The following TCEA1 variants were observed in gnomAD, a reference collection of about 807,000 sequenced individuals.
TCEA1 encodes the protein transcription elongation factor A protein 1.
TCEA1 carries 21 observed loss-of-function variants against 43.8 expected under a neutral mutation model. That is an observed-to-expected ratio of 0.48 (90% confidence interval 0.34 to 0.69). TCEA1 has a LOEUF of 0.69. Ranked by LOEUF, TCEA1 falls within the 30% of genes least tolerant of loss-of-function variation. TCEA1 has a pLI of 0.01. For missense variants in TCEA1, 250 were observed against 365.1 expected (o/e 0.68, Z 2.57); for synonymous variants, 104 against 117.5 (o/e 0.88, Z 0.75).
intron 3 of TCEA1, among the ~76,000 whole-genome samples, chr8:53,994,429 G>A (rs1317880538): frequency 6.6e-6 from 1 of 152,132 alleles, no homozygotes; most frequent in Non-Finnish European, 1.5e-5. Context: ...AAAATTTAAG[G>A]TGGTATCCAA....
chr8:54,009,166 C>CA (rs370810534), intron 2 of TCEA1, among the ~76,000 whole-genome samples: 1,251 of 91,174 alleles, frequency 0.014, 23 homozygotes, highest in East Asian at 0.11. Context: ...ATTAAAAAGA[C>CA]AAAAAAAAAA....
chr8:54,010,620 A>G, intron 1 of TCEA1, 128 bp from the exon 2 acceptor site: 1 of 654,604 alleles, frequency 1.5e-6, no homozygotes, highest in Non-Finnish European at 2.6e-6. Flanking sequence ...GAGCAACAGC[A>G]CCACCTATAG....
chr8:53,992,938 G>C (rs536530390), intron 4 of TCEA1, among the ~76,000 whole-genome samples: 3 of 148,922 alleles, frequency 2.0e-5, no homozygotes, highest in African/African-American at 7.5e-5. Flanking sequence ...CACATTTTAA[G>C]TTCTTATAAC....
At chr8:54,001,315 C>T (rs777470349) in intron 2 of TCEA1, among the ~76,000 whole-genome samples, 9 of 152,044 alleles carry the variant, frequency 5.9e-5, no homozygotes, top group Non-Finnish European at 1.0e-4. Flanking sequence ...GTAAGCTTTA[C>T]GGTAGAAAAA....
intron 3 of TCEA1, among the ~76,000 whole-genome samples, chr8:53,998,425 C>T (rs534711079): frequency 6.6e-6 from 1 of 152,068 alleles, no homozygotes; most frequent in African/African-American, 2.4e-5. Context: ...GGCATACATA[C>T]TTTCTTCTAT....
chr8:53,975,942 G>GA (rs1449675618), intron 8 of TCEA1, among the ~76,000 whole-genome samples: 4 of 151,686 alleles, frequency 2.6e-5, no homozygotes, highest in Non-Finnish European at 4.4e-5. Context: ...AACTCAGCAA[G>GA]AAAAAAAGCT....
At chr8:54,019,476 A>T (rs1399794059) in intron 1 of TCEA1, among the ~76,000 whole-genome samples, 2 of 151,962 alleles carry the variant, frequency 1.3e-5, no homozygotes, top group African/African-American at 4.8e-5. Context: ...AGGCTGAGGC[A>T]AGAGAATCGC....
At chr8:53,987,857 C>T (rs1803737168) in intron 5 of TCEA1, among the ~76,000 whole-genome samples, 1 of 152,170 alleles carries the variant, frequency 6.6e-6, no homozygotes, top group Non-Finnish European at 1.5e-5. Context: ...GTGTACATTA[C>T]TATGAAATCA....
chr8:54,003,123 A>G, intron 2 of TCEA1: 1 of 455,430 alleles, frequency 2.2e-6, no homozygotes. Context: ...GCTACTGTAC[A>G]GCTACTATAA....
chr8:54,021,793 C>T, intron 1 of TCEA1: 1 of 335,598 alleles, frequency 3.0e-6, no homozygotes, highest in Non-Finnish European at 5.3e-6. Flanking sequence ...CAACGGAGAG[C>T]GTGCCCTAAT....
intron 8 of TCEA1, among the ~76,000 whole-genome samples, chr8:53,970,915 C>G (rs1016694219): frequency 6.6e-6 from 1 of 152,132 alleles, no homozygotes; most frequent in African/African-American, 2.4e-5. Context: ...ACTCCAACAA[C>G]CTTTCTAAAA....
At chr8:53,998,983 C>T (rs1039836129) in intron 3 of TCEA1, among the ~76,000 whole-genome samples, 7 of 152,032 alleles carry the variant, frequency 4.6e-5, no homozygotes, top group Non-Finnish European at 8.8e-5. Flanking sequence ...AATCCCAGCA[C>T]TTTGGGAGGC....
At chr8:54,011,045 T>G (rs933829021) in intron 1 of TCEA1, among the ~76,000 whole-genome samples, 28 of 152,186 alleles carry the variant, frequency 1.8e-4, no homozygotes, top group African/African-American at 6.8e-4. Context: ...TCAGGTGATC[T>G]GCCTGCCTTG....
At chr8:53,998,425 C>A (rs534711079) in intron 3 of TCEA1, among the ~76,000 whole-genome samples, 2 of 152,186 alleles carry the variant, frequency 1.3e-5, no homozygotes, top group African/African-American at 4.8e-5. Context: ...GGCATACATA[C>A]TTTCTTCTAT....
intron 8 of TCEA1, chr8:53,973,584 C>T: frequency 3.6e-6 from 2 of 557,122 alleles, no homozygotes; most frequent in South Asian, 3.1e-5. Flanking sequence ...GCTTTCCTTA[C>T]TGGATGAGGA....
intron 7 of TCEA1, 124 bp downstream of exon 7, chr8:53,984,239 T>C (rs748394659): frequency 1.1e-6 from 1 of 903,972 alleles, no homozygotes. Flanking sequence ...AGTATATAAA[T>C]ATATCAGAAT....
At chr8:53,991,248 C>G (rs1259103555) in intron 4 of TCEA1, among the ~76,000 whole-genome samples, 1 of 151,588 alleles carries the variant, frequency 6.6e-6, no homozygotes, top group Non-Finnish European at 1.5e-5. Flanking sequence ...CAAAAATTAG[C>G]TGGGTGTGTT....
chr8:53,981,310 G>C (rs1370127482), intron 7 of TCEA1, among the ~76,000 whole-genome samples: 1 of 152,216 alleles, frequency 6.6e-6, no homozygotes, highest in Non-Finnish European at 1.5e-5. Context: ...GTGACATCTA[G>C]GACTTTCACA....
At chr8:54,002,809 A>C (rs1043265403) in intron 2 of TCEA1, 3 of 440,394 alleles carry the variant, frequency 6.8e-6, no homozygotes, top group African/African-American at 6.1e-5. Flanking sequence ...CAAACTATAC[A>C]TCGTGAAACT....
Sources: allele counts gnomAD v4.1 joint callset (sites outside exome capture counted in the v4.1 genomes callset), GRCh38; gene constraint gnomAD v4.1.1; transcripts MANE v1.5; gene names NCBI Gene and HGNC (gene_info 2026-07-23, HGNC 2026-07-21).